Variants in ARSL observed in about 807,000 individuals in gnomAD.
ARSL encodes the protein arylsulfatase E (chondrodysplasia punctata 1).
In ARSL, 4 loss-of-function variants were observed where a neutral mutation model predicts 31.1. The observed-to-expected ratio is 0.13, with a 90% CI of 0.06 to 0.29. The LOEUF (loss-of-function observed/expected upper bound fraction) is 0.29. ARSL is among the 10% of genes least tolerant of loss of function. The pLI, the probability that ARSL is intolerant of heterozygous loss-of-function variation, is 1.00. For synonymous variants in ARSL, 198 were observed against 209.9 expected, an observed-to-expected ratio of 0.94 and a Z score of 0.49; for missense variants, 312 against 497.8, an observed-to-expected ratio of 0.63 and a Z score of 3.55.
chrX:2,964,596 T>C (rs993915142), upstream of ARSL: 15 of 326,614 alleles, frequency 4.6e-5, no homozygotes, highest in Admixed American at 1.9e-4. Flanking sequence ...GGATTACAGA[T>C]GTGAGTCACC....
intron 6 of ARSL, 37 bp from the exon 7 acceptor site, chrX:2,946,171 T>C (rs755117562): frequency 1.3e-5 from 15 of 1,193,405 alleles, no homozygotes; most frequent in Admixed American, 8.8e-5. Flanking sequence ...GTGACTTTTT[T>C]GGTAAAACAG....
At chrX:2,938,342 C>T in intron 8 of ARSL, 85 bp from the exon 9 acceptor site, 8 of 1,129,402 alleles carry the variant, frequency 7.1e-6, no homozygotes, top group Non-Finnish European at 9.5e-6. Flanking sequence ...CTGCTTGTTT[C>T]ACTTGTTTGA....
At chrX:2,943,598 C>T (rs535411724) in intron 7 of ARSL, among the ~76,000 whole-genome samples, 6 of 108,236 alleles carry the variant, frequency 5.5e-5, no homozygotes, top group South Asian at 4.1e-4. Flanking sequence ...AAAAATTAGC[C>T]GGGCGTGGTG....
At chrX:2,944,323 G>C (rs182533879) in intron 7 of ARSL, among the ~76,000 whole-genome samples, 1 of 108,662 alleles carries the variant, frequency 9.2e-6, no homozygotes, top group Non-Finnish European at 1.9e-5. Context: ...GCATGGTGGC[G>C]GGTGCCTGTA....
At chrX:2,959,479 G>T in intron 2 of ARSL, 1 of 904,880 alleles carries the variant, frequency 1.1e-6, no homozygotes, top group Non-Finnish European at 1.5e-6. Context: ...CAGGGCCATA[G>T]TGTCCCAATC....
chrX:2,957,936 C>T (rs747965013), intron 3 of ARSL, among the ~76,000 whole-genome samples: 1 of 110,857 alleles, frequency 9.0e-6, no homozygotes, highest in East Asian at 2.8e-4. Flanking sequence ...GCAGGAGGAT[C>T]ACTTGAACCT....
chrX:2,953,467 C>T (rs568603768), intron 4 of ARSL, among the ~76,000 whole-genome samples: 11 of 112,074 alleles, frequency 9.8e-5, no homozygotes, highest in Non-Finnish European at 1.3e-4. Flanking sequence ...AAAACCTTAG[C>T]GAGAAGATGG....
intron 5 of ARSL, among the ~76,000 whole-genome samples, chrX:2,951,106 A>C (rs1017979348): frequency 8.9e-6 from 1 of 111,926 alleles, no homozygotes; most frequent in Non-Finnish European, 1.9e-5. Context: ...CATATAAGCT[A>C]ATATTTGCTA....
chrX:2,943,283 G>C, intron 7 of ARSL, 84 bp from the exon 8 acceptor site: 1 of 1,109,003 alleles, frequency 9.0e-7, no homozygotes, highest in Middle Eastern at 3.5e-4. Flanking sequence ...TAGCATTCGG[G>C]GGCTAGCCAC....
At chrX:2,961,489 T>C (rs1237577457) in intron 1 of ARSL, among the ~76,000 whole-genome samples, 1 of 111,635 alleles carries the variant, frequency 9.0e-6, no homozygotes, top group African/African-American at 3.3e-5. Context: ...TTTAACTATA[T>C]ATTGTGACTT....
At chrX:2,951,862 T>G (rs2089467333) in intron 5 of ARSL, among the ~76,000 whole-genome samples, 1 of 80,255 alleles carries the variant, frequency 1.2e-5, no homozygotes, top group Non-Finnish European at 2.6e-5. Context: ...TGACTGAATC[T>G]CCCCAGAATT....
rs73632984 is a variant in ARSL, at chrX:2,940,831, A to T, written c.1126+2234T>A. Reference sequence around the variant, plus strand: ...GCACCTGTAGTCCCAGCTACTTATGATCGCTGAGACAGGAGGATCACTTGA... The same window carrying T: ...GCACCTGTAGTCCCAGCTACTTATGTTCGCTGAGACAGGAGGATCACTTGA... On this transcript the variant is annotated intron_variant, in intron 8 of 10. Coordinates refer to ENST00000381134, the MANE Select transcript of ARSL (RefSeq NM_000047.3). Among the ~76,000 whole-genome samples the T allele has an allele frequency of 2.6e-3, 293 of 111,358 alleles. 2 individuals carry two copies. Among genetic ancestry groups the T allele is most frequent in the African/African-American group, 8.5e-3 (261 of 30,651 alleles).
At chrX:2,959,489 C>G in intron 2 of ARSL, 1 of 974,295 alleles carries the variant, frequency 1.0e-6, no homozygotes, top group Non-Finnish European at 1.3e-6. Flanking sequence ...GTGTCCCAAT[C>G]CCCAGTGGGA....
chrX:2,960,319 A>C, intron 2 of ARSL, 59 bp downstream of exon 2: 1 of 674,671 alleles, frequency 1.5e-6, no homozygotes, highest in Non-Finnish European at 2.3e-6. Flanking sequence ...GAAGGAAGGA[A>C]GAGAAAGAAA....
At chrX:2,963,159 T>G (rs73632987) in intron 1 of ARSL, among the ~76,000 whole-genome samples, 2,871 of 112,055 alleles carry the variant, frequency 0.026, 88 homozygotes, top group African/African-American at 0.086. Context: ...TTTTTGTTTA[T>G]TTGTTCGTTT....
chrX:2,955,195 C>G (rs1447387142), intron 4 of ARSL, among the ~76,000 whole-genome samples: 1 of 112,449 alleles, frequency 8.9e-6, no homozygotes, highest in Non-Finnish European at 1.9e-5. Context: ...AATATAAAAG[C>G]TGCCTGGGCA....
At chrX:2,953,020 A>G in intron 5 of ARSL, 123 bp downstream of exon 5, 1 of 884,748 alleles carries the variant, frequency 1.1e-6, no homozygotes, top group African/African-American at 2.0e-5. Flanking sequence ...TCCTAGATAC[A>G]TGCAGCTTTC....
At chrX:2,937,129 C>T (rs1208577917) in intron 9 of ARSL, among the ~76,000 whole-genome samples, 1 of 112,094 alleles carries the variant, frequency 8.9e-6, no homozygotes. Context: ...CACAGTGGCT[C>T]GTGCGTGTAA....
upstream of ARSL, among the ~76,000 whole-genome samples, chrX:2,966,612 G>GA (rs1283423080): frequency 3.4e-4 from 29 of 84,254 alleles, no homozygotes; most frequent in African/African-American, 9.1e-4. Context: ...CCTATCTCTA[G>GA]AAAAAAAAAA....
Sources: gnomAD v4.1 joint callset for allele counts (sites outside exome capture counted in the v4.1 genomes callset) on GRCh38, gnomAD v4.1.1 for gene constraint, MANE v1.5 for transcripts, NCBI Gene and HGNC (gene_info 2026-07-23, HGNC 2026-07-21) for gene names.